CEP63: variants seen among roughly 807,000 people sequenced by gnomAD.
CEP63 encodes the protein centrosomal protein 63, also known as centrosomal protein of 63 kDa.
In CEP63, 84 loss-of-function variants were observed where a neutral mutation model predicts 89.1. The ratio of observed to expected loss-of-function variants is 0.94; its 90% confidence interval spans 0.79 to 1.13. CEP63 has a LOEUF of 1.13. Among genes scored for constraint, CEP63 ranks in the 50% most tolerant of loss-of-function variants. The pLI is 0.00. For synonymous variants in CEP63, 267 were observed against 272.5 expected, an observed-to-expected ratio of 0.98 and a Z score of 0.20; for missense variants, 838 against 813.3, an observed-to-expected ratio of 1.03 and a Z score of -0.37.
At chr3:134,694,654 C>G in the CEP63 span, among the ~76,000 whole-genome samples, 2 of 152,236 alleles carry the variant, frequency 1.3e-5, no homozygotes, top group South Asian at 4.1e-4. Flanking sequence ...TGCTGCTTCA[C>G]TGCATTCTTT....
intron 2 of CEP63, 45 bp downstream of exon 2, chr3:134,495,409 AT>A: frequency 8.2e-7 from 1 of 1,223,790 alleles, no homozygotes. Flanking sequence ...TTAATACATG[AT>A]TACATATTTA....
chr3:134,700,174 G>A, the CEP63 span, among the ~76,000 whole-genome samples: 1 of 152,100 alleles, frequency 6.6e-6, no homozygotes, highest in Non-Finnish European at 1.5e-5. Context: ...TTTTTTCACT[G>A]CCAATATTCA....
chr3:134,646,157 C>T, the CEP63 span, among the ~76,000 whole-genome samples: 4 of 152,204 alleles, frequency 2.6e-5, no homozygotes, highest in East Asian at 7.7e-4. Flanking sequence ...CTCTGGGGGT[C>T]TGATTCTTAT....
chr3:134,775,476 G>A, the CEP63 span, among the ~76,000 whole-genome samples: 4 of 152,186 alleles, frequency 2.6e-5, no homozygotes, highest in Non-Finnish European at 5.9e-5. Context: ...TCTCCAAGCT[G>A]AGGCAGTGCC....
At chr3:134,625,085 G>A in the CEP63 span, 2 of 1,602,324 alleles carry the variant, frequency 1.2e-6, no homozygotes, top group South Asian at 1.1e-5. Context: ...TTCTCAAACT[G>A]CTGCAGGTCC....
intron 12 of CEP63, among the ~76,000 whole-genome samples, chr3:134,555,143 A>G (rs976226405): frequency 5.3e-5 from 8 of 151,338 alleles, no homozygotes; most frequent in Admixed American, 4.6e-4. Flanking sequence ...AGAGCTATCT[A>G]TGACAAACCC....
Position 134,507,139 on chromosome 3 carries a change from A to G in CEP63, c.75A>G (p.Leu25=). ...GGFLTSCEAE[L]QELMKQIDIM... is the part of the protein sequence containing the mutation. Reference sequence around the variant, plus strand: ...TTTTGACATCTTGTGAAGCAGAACTACAGGAGCTCATGAAACAGATTGACA... The same window carrying G: ...TTTTGACATCTTGTGAAGCAGAACTGCAGGAGCTCATGAAACAGATTGACA... The change falls in exon 3 of 15, where the codon CTA becomes CTG. Residue 25 remains leucine (L), a synonymous_variant. Coordinates refer to ENST00000675561, the MANE Select transcript of CEP63 (RefSeq NM_001353108.3). The G allele has an allele frequency of 2.5e-6, 4 of 1,613,804 alleles. No homozygotes were observed. Among genetic ancestry groups the G allele is most frequent in the Middle Eastern group, 1.7e-4 (1 of 6,058 alleles).
chr3:134,685,379 C>A, the CEP63 span, among the ~76,000 whole-genome samples: 1 of 152,018 alleles, frequency 6.6e-6, no homozygotes, highest in East Asian at 1.9e-4. Flanking sequence ...CATACTGAAG[C>A]CTTCTCTCTG....
intron 11 of CEP63, chr3:134,574,698 C>T: frequency 2.2e-6 from 1 of 453,954 alleles, no homozygotes; most frequent in East Asian, 3.4e-5. Context: ...ACCTCCACCT[C>T]CTGGGCTCAA....
At chr3:134,722,752 C>T in the CEP63 span, among the ~76,000 whole-genome samples, 2 of 152,076 alleles carry the variant, frequency 1.3e-5, no homozygotes, top group Non-Finnish European at 2.9e-5. Flanking sequence ...TTTATTTATT[C>T]ACTCTGGTGG....
At chr3:134,557,852 C>T (rs1956544739) in intron 12 of CEP63, among the ~76,000 whole-genome samples, 1 of 152,086 alleles carries the variant, frequency 6.6e-6, no homozygotes, top group African/African-American at 2.4e-5. Flanking sequence ...TTCTTCTTCC[C>T]TGTTTCTGAT....
chr3:134,761,917 G>A, the CEP63 span, among the ~76,000 whole-genome samples: 1 of 152,122 alleles, frequency 6.6e-6, no homozygotes, highest in Non-Finnish European at 1.5e-5. Flanking sequence ...CCACAACACT[G>A]GACTTCATTT....
downstream of CEP63, among the ~76,000 whole-genome samples, chr3:134,566,991 A>G (rs939269139): frequency 6.6e-5 from 10 of 152,264 alleles, no homozygotes; most frequent in Non-Finnish European, 1.5e-4. Context: ...ATTATTCACA[A>G]TAACACCAAA....
At chr3:134,741,462 T>C in the CEP63 span, among the ~76,000 whole-genome samples, 1 of 152,142 alleles carries the variant, frequency 6.6e-6, no homozygotes, top group Non-Finnish European at 1.5e-5. Flanking sequence ...CACACACCTG[T>C]GCACAGCTCC....
chr3:134,664,735 G>A, the CEP63 span, among the ~76,000 whole-genome samples: 7 of 150,200 alleles, frequency 4.7e-5, no homozygotes, highest in African/African-American at 1.7e-4. Flanking sequence ...TACCCTACTA[G>A]TACCATGGAA....
chr3:134,557,513 A>G (rs1030933988), intron 12 of CEP63, among the ~76,000 whole-genome samples: 1 of 150,610 alleles, frequency 6.6e-6, no homozygotes, highest in Non-Finnish European at 1.5e-5. Flanking sequence ...CCAGACTACC[A>G]TTTTTTCAAG....
chr3:134,642,248 A>G, the CEP63 span, among the ~76,000 whole-genome samples: 1 of 152,180 alleles, frequency 6.6e-6, no homozygotes, highest in Admixed American at 6.5e-5. Flanking sequence ...AGAGGCTCCA[A>G]TCCTCCGGGG....
At chr3:134,754,791 G>A in the CEP63 span, among the ~76,000 whole-genome samples, 1 of 152,100 alleles carries the variant, frequency 6.6e-6, no homozygotes, top group African/African-American at 2.4e-5. Flanking sequence ...CAGACGCCAC[G>A]CCCCCATCTG....
the CEP63 span, among the ~76,000 whole-genome samples, chr3:134,666,760 T>C: frequency 6.6e-6 from 1 of 152,220 alleles, no homozygotes; most frequent in Non-Finnish European, 1.5e-5. Context: ...CATTCATTTA[T>C]CCAGCTCTGC....
Sources: allele counts gnomAD v4.1 joint callset (sites outside exome capture counted in the v4.1 genomes callset), GRCh38; gene constraint gnomAD v4.1.1; transcripts MANE v1.5; gene names NCBI Gene and HGNC (gene_info 2026-07-23, HGNC 2026-07-21).